Variants in PIK3CA observed in about 807,000 individuals in gnomAD.
The protein encoded by PIK3CA is phosphatidylinositol 4,5-bisphosphate 3-kinase catalytic subunit alpha isoform.
Under a neutral mutation model 138.2 loss-of-function variants are expected in PIK3CA, and 27 were observed. The observed-to-expected ratio is 0.20, with a 90% confidence interval of 0.14 to 0.27. PIK3CA has a LOEUF of 0.27. PIK3CA is among the 10% of genes least tolerant of loss of function. The pLI is 1.00. For missense variants in PIK3CA, 544 were observed against 1,277.4 expected (o/e 0.43, Z 8.75); for synonymous variants, 358 against 413.2 (o/e 0.87, Z 1.62).
Position 179,236,872 on chromosome 3 carries a change from T to A in PIK3CA, c.*2508T>A, listed in dbSNP as rs1453646691. On this transcript the variant is annotated 3_prime_UTR_variant, in exon 21 of 21. Coordinates refer to ENST00000263967, the MANE Select transcript of PIK3CA (RefSeq NM_006218.4). The stretch of plus-strand genomic sequence containing the variant: ...AAGATCTGTTTCAAGTCAGTGATAA[T>A]ATAGCCACTTCTGGGTACTTCAGTA... 1 of 208,414 alleles carries A rather than the reference T, an allele frequency of 4.8e-6. No individual in the cohort carries two copies. Among genetic ancestry groups the A allele is most frequent in the African/African-American group, 2.3e-5 (1 of 44,014 alleles). 12.9% of individuals were successfully genotyped at this position (208,414 alleles called of 1,614,324 possible). A position where few individuals can be genotyped will look rare whatever the true frequency, so the allele number is the denominator to read the frequency against.
chr3:179,165,312 G>C (rs891446137), intron 1 of PIK3CA, among the ~76,000 whole-genome samples: 1 of 152,170 alleles, frequency 6.6e-6, no homozygotes, highest in Admixed American at 6.5e-5. Context: ...GATCACCCAG[G>C]AGACTTGATA....
At chr3:179,195,272 C>A (rs544181812) in intron 1 of PIK3CA, among the ~76,000 whole-genome samples, 34 of 147,724 alleles carry the variant, frequency 2.3e-4, no homozygotes, top group African/African-American at 6.3e-4. Flanking sequence ...AAAAAAAAAA[C>A]AACAACAAAA....
At chr3:179,199,376 T>C (rs540820579) in intron 2 of PIK3CA, among the ~76,000 whole-genome samples, 199 bp downstream of exon 2, 15 of 152,230 alleles carry the variant, frequency 9.9e-5, no homozygotes, top group African/African-American at 3.6e-4. Flanking sequence ...TAAGGTTTTA[T>C]TTAAGAAATG....
intron 16 of PIK3CA, 107 bp downstream of exon 16, chr3:179,224,928 C>T (rs1725049093): frequency 4.6e-6 from 3 of 653,230 alleles, no homozygotes; most frequent in Admixed American, 2.6e-5. Flanking sequence ...AAGGAATATA[C>T]ACATGTGATA....
rs1184217107 is a variant in PIK3CA at position 179,239,231 on chromosome 3, T to C, written c.*4867T>C. The C allele has an allele frequency of 4.9e-6, 1 of 205,390 alleles. No individual in the cohort carries two copies. The highest frequency in any genetic ancestry group is 2.3e-5 in the African/African-American group (1 of 43,806). 12.7% of individuals were successfully genotyped at this position (205,390 alleles called of 1,614,324 possible). A position where few individuals can be genotyped will look rare whatever the true frequency, so the allele number is the denominator to read the frequency against. On this transcript the variant is annotated 3_prime_UTR_variant, in exon 21 of 21. Transcript: ENST00000263967. ...TATTTTTTTAGCCAGTTAAAGTCTA[T>C]GAATCTATCTGCAACCTTATTTAAT...
At chr3:179,159,413 T>C (rs1723220034) in intron 1 of PIK3CA, among the ~76,000 whole-genome samples, 1 of 152,182 alleles carries the variant, frequency 6.6e-6, no homozygotes, top group Non-Finnish European at 1.5e-5. Context: ...TTCTTGATTT[T>C]TCTATATGTA....
At chr3:179,205,590 A>C (rs2108395650) in intron 6 of PIK3CA, among the ~76,000 whole-genome samples, 1 of 152,288 alleles carries the variant, frequency 6.6e-6, no homozygotes, top group East Asian at 1.9e-4. Context: ...CTTTCAAATA[A>C]AGGGTCTTTG....
At chr3:179,170,060 GTGCACA>G (rs1560126790) in intron 1 of PIK3CA, among the ~76,000 whole-genome samples, 27 of 84,254 alleles carry the variant, frequency 3.2e-4, no homozygotes, top group African/African-American at 1.4e-3. Flanking sequence ...GCACATGCGC[GTGCACA>G]CGCGCGCGCG....
rs755357161 is a variant in PIK3CA, at chr3:179,230,001, T to C, written c.2667-3T>C. 4 of 1,598,608 alleles carry C rather than the reference T, an allele frequency of 2.5e-6. No individual in the cohort carries two copies. The highest frequency in any genetic ancestry group is 3.4e-6 in the Non-Finnish European group (4 of 1,167,082). On this transcript the variant is annotated splice_polypyrimidine_tract_variant and splice_region_variant and intron_variant, in intron 18 of 20. Transcript: ENST00000263967. The surrounding 1 kb of genome is among the most constrained non-coding windows in gnomAD (Gnocchi z 5.4). ...CTACTCATGAGGTGTTTATTCTTTGTAGATATGATGCAGCCATTGACCTGT... is the reference window on the plus strand; with the variant it reads ...CTACTCATGAGGTGTTTATTCTTTGCAGATATGATGCAGCCATTGACCTGT...
At chr3:179,158,206 G>A (rs114578017) in intron 1 of PIK3CA, among the ~76,000 whole-genome samples, 172 of 152,064 alleles carry the variant, frequency 1.1e-3, no homozygotes, top group African/African-American at 3.6e-3. Flanking sequence ...CTTTTTATTC[G>A]TTAAAACTTT....
rs1295846869 is a variant in PIK3CA, at chr3:179,170,266, A to AG, written c.-77+21666dup. On this transcript the variant is annotated intron_variant, in intron 1 of 20. Coordinates refer to ENST00000263967, the MANE Select transcript of PIK3CA (RefSeq NM_006218.4). ...GCTATTTTTTTGCCTTGCTTTTGTA[A>AG]GGGAAAAAAGTAATATAAAGGAGAA... is the stretch of plus-strand genomic sequence containing the variant. Among the ~76,000 whole-genome samples the AG allele has an allele frequency of 8.5e-5, 13 of 152,242 alleles. 1 individual carries two copies. Among genetic ancestry groups the AG allele is most frequent in the Admixed American group, 8.5e-4 (13 of 15,288 alleles).
chr3:179,233,978 A>G (rs1026844144), intron 20 of PIK3CA, 116 bp from the exon 21 acceptor site: 2 of 675,736 alleles, frequency 3.0e-6, no homozygotes, highest in African/African-American at 1.8e-5. Flanking sequence ...GAGGAATGCT[A>G]TTTTTTTATA....
intron 1 of PIK3CA, among the ~76,000 whole-genome samples, chr3:179,180,838 G>GT (rs1218847610): frequency 6.6e-6 from 1 of 152,062 alleles, no homozygotes; most frequent in African/African-American, 2.4e-5. Flanking sequence ...CTTTACCTTT[G>GT]TAACTTTTAA....
chr3:179,201,866 A>T (rs531664369), intron 4 of PIK3CA, among the ~76,000 whole-genome samples: 40 of 152,154 alleles, frequency 2.6e-4, no homozygotes, highest in Non-Finnish European at 4.9e-4. Context: ...GTGGCTTCCC[A>T]AAGTGCTGGG....
rs11709323 is a variant in PIK3CA, at chr3:179,198,731, T to C, written c.-76-19T>C. The C allele has an allele frequency of 0.012, 7,894 of 634,656 alleles. 298 individuals carry two copies. The highest frequency in any genetic ancestry group is 0.12 in the East Asian group (4,259 of 35,796). 39.3% of individuals were successfully genotyped at this position (634,656 alleles called of 1,614,324 possible). Reference sequence around the variant, plus strand: ...GTAGTTGTGTCTCTTTTAACATATGTTTTCCTTCTTTGATTTAGGTTTCTG... The same window carrying C: ...GTAGTTGTGTCTCTTTTAACATATGCTTTCCTTCTTTGATTTAGGTTTCTG... On this transcript the variant is annotated intron_variant, in intron 1 of 20. Transcript: ENST00000263967.
intron 20 of PIK3CA, among the ~76,000 whole-genome samples, chr3:179,231,379 T>C (rs989957050): frequency 4.6e-5 from 7 of 152,096 alleles, no homozygotes; most frequent in African/African-American, 1.7e-4. Context: ...CTCCATACTG[T>C]TTTCCATAGA....
At chr3:179,207,722 G>A (rs984430596) in intron 6 of PIK3CA, among the ~76,000 whole-genome samples, 2 of 152,120 alleles carry the variant, frequency 1.3e-5, no homozygotes, top group African/African-American at 2.4e-5. Flanking sequence ...GTTTTGCCAC[G>A]TTGGCCAGAC....
chr3:179,184,993 C>G (rs1412681140), intron 1 of PIK3CA, among the ~76,000 whole-genome samples: 1 of 152,152 alleles, frequency 6.6e-6, no homozygotes, highest in African/African-American at 2.4e-5. Context: ...GTCCTCACCC[C>G]ATGATATAAG....
In PIK3CA at chr3:179,195,291, C is replaced by T. The variant is rs138435784; in HGVS notation, c.-76-3459C>T. ...AAAAAACAACAACAAAAACCGTTTCCTTCCCCATCTGGTGCCAGCACTGTA... is the reference window on the plus strand; with the variant it reads ...AAAAAACAACAACAAAAACCGTTTCTTTCCCCATCTGGTGCCAGCACTGTA... On this transcript the variant is annotated intron_variant, in intron 1 of 20. Coordinates refer to ENST00000263967, the MANE Select transcript of PIK3CA (RefSeq NM_006218.4). Among the ~76,000 whole-genome samples the T allele has an allele frequency of 1.3e-3, 201 of 152,008 alleles. 1 individual carries two copies. The highest frequency in any genetic ancestry group is 4.5e-3 in the African/African-American group (188 of 41,470).
Sources: allele counts gnomAD v4.1 joint callset (sites outside exome capture counted in the v4.1 genomes callset), GRCh38; gene constraint gnomAD v4.1.1; non-coding constraint Gnocchi (gnomAD v3.1); transcripts MANE v1.5; gene names NCBI Gene and HGNC (gene_info 2026-07-23, HGNC 2026-07-21).